SPAG16: variants seen among roughly 807,000 people sequenced by gnomAD.
The protein encoded by SPAG16 is sperm associated antigen 16, also known as sperm-associated antigen 16 protein.
In SPAG16, 86 loss-of-function variants were observed where a neutral mutation model predicts 80.4. The observed-to-expected ratio is 1.07, with a 90% CI of 0.90 to 1.28. The LOEUF is 1.28. Among genes scored for constraint, SPAG16 ranks in the 50% most tolerant of loss-of-function variants. The pLI is 0.00. For missense variants in SPAG16, 870 were observed against 765.3 expected (o/e 1.14, Z -1.61); for synonymous variants, 294 against 265.9 (o/e 1.11, Z -1.03).
chr2:213,703,925 T>A (rs1289859386), intron 10 of SPAG16, among the ~76,000 whole-genome samples: 1 of 152,158 alleles, frequency 6.6e-6, no homozygotes, highest in South Asian at 2.1e-4. Flanking sequence ...TCCAAGATAT[T>A]TTGTACTCCT....
intron 13 of SPAG16, among the ~76,000 whole-genome samples, chr2:214,022,928 C>G (rs755862016): frequency 2.0e-5 from 3 of 151,980 alleles, no homozygotes; most frequent in Non-Finnish European, 2.9e-5. Context: ...CTATCCTCTT[C>G]CTTCTTTCCT....
At chr2:213,730,792 A>G (rs1046471797) in intron 10 of SPAG16, among the ~76,000 whole-genome samples, 3 of 152,138 alleles carry the variant, frequency 2.0e-5, no homozygotes, top group African/African-American at 4.8e-5. Context: ...AGGTATTCCA[A>G]TTAGGCATGT....
chr2:213,994,621 T>C (rs1325845692), intron 12 of SPAG16, among the ~76,000 whole-genome samples: 4 of 151,960 alleles, frequency 2.6e-5, no homozygotes, highest in Non-Finnish European at 4.4e-5. Flanking sequence ...ATAATTACTA[T>C]TAAACCTTCT....
intron 10 of SPAG16, among the ~76,000 whole-genome samples, chr2:213,734,068 C>G (rs2067181032): frequency 1.3e-5 from 2 of 152,152 alleles, no homozygotes; most frequent in Admixed American, 6.5e-5. Flanking sequence ...ACATCTGTCA[C>G]TTCTCTGTCT....
chr2:214,103,908 C>T lies in SPAG16; in HGVS notation c.1528-4288C>T, dbSNP rs73076849. ...CATGAAACTCAATTTTCTTTCTTCCCTCTGGGGAGTGGGGGTTGGAGGGAG... is the reference window on the plus strand; with the variant it reads ...CATGAAACTCAATTTTCTTTCTTCCTTCTGGGGAGTGGGGGTTGGAGGGAG... On this transcript the variant is annotated intron_variant, in intron 13 of 15. Coordinates refer to ENST00000331683, the MANE Select transcript of SPAG16 (RefSeq NM_024532.5). Among the ~76,000 whole-genome samples, 853 of 151,800 alleles carry T rather than the reference C, an allele frequency of 5.6e-3. 7 individuals are homozygous for T. The highest frequency in any genetic ancestry group is 0.02 in the African/African-American group (829 of 41,370).
chr2:213,804,729 C>CTAAG, intron 10 of SPAG16, among the ~76,000 whole-genome samples: 1 of 140,426 alleles, frequency 7.1e-6, no homozygotes, highest in South Asian at 2.3e-4. Flanking sequence ...AACTAACTAA[C>CTAAG]TAAGATTACG....
intron 10 of SPAG16, among the ~76,000 whole-genome samples, chr2:213,615,830 G>A (rs1338099163): frequency 6.6e-6 from 1 of 152,008 alleles, no homozygotes; most frequent in Non-Finnish European, 1.5e-5. Flanking sequence ...TATGTTATAG[G>A]GTTTACAAAA....
intron 5 of SPAG16, among the ~76,000 whole-genome samples, 189 bp from the exon 6 acceptor site, chr2:213,339,973 TC>T (rs1353441956): frequency 6.6e-6 from 1 of 152,170 alleles, no homozygotes; most frequent in Non-Finnish European, 1.5e-5. Flanking sequence ...TGCCCTTTCA[TC>T]CTTCACCCCC....
At chr2:214,078,114 C>A (rs1319229342) in intron 13 of SPAG16, among the ~76,000 whole-genome samples, 1 of 115,692 alleles carries the variant, frequency 8.6e-6, no homozygotes, top group East Asian at 1.9e-4. Context: ...GAGAGGAAGG[C>A]AAAGTATTCC....
chr2:213,390,428 TAAAG>T (rs2067680356), intron 9 of SPAG16, among the ~76,000 whole-genome samples: 1 of 152,186 alleles, frequency 6.6e-6, no homozygotes, highest in Non-Finnish European at 1.5e-5. Context: ...AAAACATTAT[TAAAG>T]AAAGATCATT....
chr2:214,245,340 A>G lies in SPAG16; in HGVS notation c.1720+96074A>G, dbSNP rs560233769. 2.6e-4 allele frequency among the ~76,000 whole-genome samples: 40 copies of G among 152,232 alleles called. 2 individuals carry two copies. Among genetic ancestry groups the G allele is most frequent in the Admixed American group, 8.5e-4 (13 of 15,260 alleles). ...CACCATCTCTTTCCCCTAGTCCCCA[A>G]TGATAATGCAATTGTCTTCCATTAA... On this transcript the variant is annotated intron_variant, in intron 15 of 15. Coordinates refer to ENST00000331683, the MANE Select transcript of SPAG16 (RefSeq NM_024532.5).
intron 15 of SPAG16, among the ~76,000 whole-genome samples, chr2:214,235,967 A>G (rs1689047671): frequency 1.3e-5 from 2 of 152,188 alleles, no homozygotes; most frequent in Admixed American, 1.3e-4. Context: ...CAATGTGTAG[A>G]GTACAGTGTG....
chr2:214,003,578 T>G, intron 12 of SPAG16, among the ~76,000 whole-genome samples: 1 of 152,198 alleles, frequency 6.6e-6, no homozygotes, highest in East Asian at 1.9e-4. Context: ...TGTTAGTTCT[T>G]GTTATTCAAG....
chr2:213,562,483 T>C (rs2059624657), intron 10 of SPAG16, among the ~76,000 whole-genome samples: 1 of 152,234 alleles, frequency 6.6e-6, no homozygotes, highest in Admixed American at 6.5e-5. Context: ...CAAAATATCA[T>C]AAACTGGGTA....
At chr2:213,393,960 TATA>T (rs1401803331) in intron 9 of SPAG16, among the ~76,000 whole-genome samples, 1 of 152,156 alleles carries the variant, frequency 6.6e-6, no homozygotes, top group Non-Finnish European at 1.5e-5. Context: ...ACTTGAAATG[TATA>T]ATTGACATTA....
chr2:214,163,317 T>C (rs756326570), intron 15 of SPAG16, among the ~76,000 whole-genome samples: 2 of 151,988 alleles, frequency 1.3e-5, no homozygotes. Context: ...TTTCCATACC[T>C]TTACTTTCCA....
In SPAG16 at chr2:214,059,719, C is replaced by T. The variant is rs10181577; in HGVS notation, c.1527+45642C>T. 9.3e-3 allele frequency among the ~76,000 whole-genome samples: 1,403 copies of T among 151,372 alleles called. 28 individuals carry two copies. The highest frequency in any genetic ancestry group is 0.032 in the African/African-American group (1,319 of 41,122). Reference sequence around the variant, plus strand: ...AAAGAATTTTGGATCACTCACCATTCCTCAGGTTACTTATACCCTTTAAGG... The same window carrying T: ...AAAGAATTTTGGATCACTCACCATTTCTCAGGTTACTTATACCCTTTAAGG... On this transcript the variant is annotated intron_variant, in intron 13 of 15. Transcript: ENST00000331683.
chr2:214,326,216 G>C (rs894032249), intron 15 of SPAG16, among the ~76,000 whole-genome samples: 13 of 152,100 alleles, frequency 8.5e-5, no homozygotes, highest in Non-Finnish European at 1.2e-4. Flanking sequence ...ATATGAGACA[G>C]AAAAGGAGAC....
intron 11 of SPAG16, among the ~76,000 whole-genome samples, chr2:213,880,788 G>A (rs897102288): frequency 6.6e-6 from 1 of 152,104 alleles, no homozygotes; most frequent in African/African-American, 2.4e-5. Context: ...ATGGCAGTAG[G>A]TGTGTGACTT....
Sources: allele counts gnomAD v4.1 joint callset (sites outside exome capture counted in the v4.1 genomes callset), GRCh38; gene constraint gnomAD v4.1.1; transcripts MANE v1.5; gene names NCBI Gene and HGNC (gene_info 2026-07-23, HGNC 2026-07-21).